TTC23L: variants seen among roughly 807,000 people sequenced by gnomAD.
The protein encoded by TTC23L is tetratricopeptide repeat domain 23 like.
A neutral mutation model predicts 48.1 loss-of-function variants in TTC23L; 42 were observed. The ratio of observed to expected loss-of-function variants is 0.87; its 90% CI spans 0.68 to 1.13. The LOEUF is 1.13. TTC23L is among the 50% of genes most tolerant of loss of function. TTC23L has a pLI of 0.00. For synonymous variants in TTC23L, 159 were observed against 157.2 expected, an observed-to-expected ratio of 1.01 and a Z score of -0.09; for missense variants, 391 against 421.0, an observed-to-expected ratio of 0.93 and a Z score of 0.62.
chr5:34,890,516 G>C (rs1004738051), intron 9 of TTC23L, among the ~76,000 whole-genome samples: 2 of 151,130 alleles, frequency 1.3e-5, no homozygotes, highest in Non-Finnish European at 2.9e-5. Context: ...ATTTGAATCC[G>C]GGTTGATCAG....
intron 9 of TTC23L, among the ~76,000 whole-genome samples, chr5:34,892,992 C>CT (rs1561159421): frequency 6.6e-6 from 1 of 152,146 alleles, no homozygotes; most frequent in Non-Finnish European, 1.5e-5. Context: ...AACATTAACT[C>CT]TGACAGCAAT....
the TTC23L span, chr5:34,914,548 A>G: frequency 1.3e-6 from 1 of 745,814 alleles, no homozygotes; most frequent in Non-Finnish European, 2.1e-6. Flanking sequence ...CTAACTTAAG[A>G]CTATTATTTA....
chr5:34,867,216 G>C (rs1237633928), intron 7 of TTC23L, 147 bp downstream of exon 7: 2 of 843,274 alleles, frequency 2.4e-6, no homozygotes, highest in African/African-American at 1.7e-5. Flanking sequence ...ATCCACCTAA[G>C]AGCCCTTGAT....
At chr5:34,877,482 G>A (rs1471762824) in intron 8 of TTC23L, among the ~76,000 whole-genome samples, 8 of 150,654 alleles carry the variant, frequency 5.3e-5, no homozygotes, top group African/African-American at 1.7e-4. Context: ...GGAGTACAAC[G>A]GTGTGATCTC....
chr5:34,901,262 C>T (rs1480920718), downstream of TTC23L, among the ~76,000 whole-genome samples: 2 of 151,538 alleles, frequency 1.3e-5, no homozygotes, highest in South Asian at 2.1e-4. Flanking sequence ...TGAAAAAAAT[C>T]TGTGTATAAG....
the TTC23L span, among the ~76,000 whole-genome samples, chr5:34,915,201 G>A: frequency 1.3e-5 from 2 of 152,310 alleles, no homozygotes; most frequent in East Asian, 3.9e-4. Context: ...CAACTGACAC[G>A]GTATCTCCCG....
At chr5:34,874,582 G>C (rs1049711344) in intron 8 of TTC23L, among the ~76,000 whole-genome samples, 1 of 152,044 alleles carries the variant, frequency 6.6e-6, no homozygotes, top group Non-Finnish European at 1.5e-5. Context: ...AAGGAGCTGG[G>C]TGCAGTGGCT....
chr5:34,860,600 A>C (rs1760538422), intron 4 of TTC23L, among the ~76,000 whole-genome samples: 1 of 151,966 alleles, frequency 6.6e-6, no homozygotes, highest in Non-Finnish European at 1.5e-5. Flanking sequence ...GCACAGTGCA[A>C]TTTGAAGGCC....
intron 8 of TTC23L, among the ~76,000 whole-genome samples, chr5:34,871,092 G>A (rs989254912): frequency 9.2e-5 from 14 of 152,150 alleles, no homozygotes; most frequent in African/African-American, 3.1e-4. Context: ...AGTACTAGAA[G>A]TCCAGCAAAT....
chr5:34,844,129 A>G (rs73764057), intron 2 of TTC23L, among the ~76,000 whole-genome samples: 1,972 of 152,306 alleles, frequency 0.013, 40 homozygotes, highest in African/African-American at 0.045. Context: ...TTCACCAGGC[A>G]GAGAAAAGGA....
chr5:34,846,669 G>A (rs986158328), intron 3 of TTC23L, among the ~76,000 whole-genome samples: 73 of 56,430 alleles, frequency 1.3e-3, no homozygotes, highest in South Asian at 7.0e-3. Flanking sequence ...ATGTGTGTAT[G>A]TGTGTGTGTG....
the TTC23L span, chr5:34,915,843 A>G: frequency 0.071 from 111,624 of 1,568,580 alleles, 4,518 homozygotes; most frequent in South Asian, 0.12. Flanking sequence ...GGCACGCCAC[A>G]GCAGAGGAGG....
chr5:34,865,669 C>T (rs536425650), intron 6 of TTC23L, among the ~76,000 whole-genome samples: 9 of 152,250 alleles, frequency 5.9e-5, no homozygotes, highest in African/African-American at 2.2e-4. Flanking sequence ...ATTTATTTTA[C>T]TTAGTCCACA....
At chr5:34,895,344 T>G (rs1457099802) in intron 9 of TTC23L, among the ~76,000 whole-genome samples, 1 of 152,226 alleles carries the variant, frequency 6.6e-6, no homozygotes, top group African/African-American at 2.4e-5. Flanking sequence ...TAAATGAGAT[T>G]ATTTACATAA....
At chr5:34,840,940 C>T (rs1220465948) in intron 2 of TTC23L, among the ~76,000 whole-genome samples, 3 of 151,900 alleles carry the variant, frequency 2.0e-5, no homozygotes, top group South Asian at 2.1e-4. Flanking sequence ...CCCAGCTACT[C>T]GGGAGGCTGA....
At chr5:34,855,012 G>A (rs1485263683) in intron 4 of TTC23L, among the ~76,000 whole-genome samples, 2 of 152,164 alleles carry the variant, frequency 1.3e-5, no homozygotes, top group African/African-American at 4.8e-5. Flanking sequence ...GTAGGGTTTG[G>A]GTAGGTGGAA....
the TTC23L span, chr5:34,918,967 A>G: frequency 6.6e-6 from 1 of 151,780 alleles, no homozygotes; most frequent in Non-Finnish European, 1.5e-5. Flanking sequence ...CAAGAACAGT[A>G]TGGCCGGGCA....
At chr5:34,925,141 T>C in the TTC23L span, 1 of 1,454,192 alleles carries the variant, frequency 6.9e-7, no homozygotes, top group East Asian at 2.5e-5. Flanking sequence ...TGAAAGGATA[T>C]ATGGTTCATA....
chr5:34,888,191 A>G (rs1762650582), intron 9 of TTC23L, among the ~76,000 whole-genome samples: 1 of 152,116 alleles, frequency 6.6e-6, no homozygotes, highest in South Asian at 2.1e-4. Context: ...GTGGGCCCTC[A>G]CCTGACACGA....
Sources: allele counts gnomAD v4.1 joint callset (sites outside exome capture counted in the v4.1 genomes callset), GRCh38; gene constraint gnomAD v4.1.1; transcripts MANE v1.5; gene names NCBI Gene and HGNC (gene_info 2026-07-23, HGNC 2026-07-21).